The following TENM3 variants were observed in gnomAD, a reference collection of about 807,000 sequenced individuals.
TENM3 encodes teneurin-3.
A neutral mutation model predicts 255.1 loss-of-function variants in TENM3; 63 were observed. The ratio of observed to expected loss-of-function variants is 0.25; its 90% CI spans 0.20 to 0.30. The LOEUF is 0.30. Ranked by LOEUF, TENM3 falls within the 10% of genes least tolerant of loss-of-function variation. The probability of loss-of-function intolerance (pLI) is 1.00; values close to 1 mark genes in which losing one functional copy is unlikely to be tolerated. For missense variants in TENM3, 2,929 were observed against 3,461.1 expected (o/e 0.85, Z 3.86); for synonymous variants, 1,306 against 1,322.3 (o/e 0.99, Z 0.27).
intron 4 of TENM3, among the ~76,000 whole-genome samples, chr4:182,616,396 T>G (rs1441863638): frequency 6.7e-6 from 1 of 148,954 alleles, no homozygotes; most frequent in Non-Finnish European, 1.5e-5. Flanking sequence ...TGGGGAGGGA[T>G]AGCATTGGGA....
At chr4:181,962,259 A>G in the TENM3 span, among the ~76,000 whole-genome samples, 1 of 152,234 alleles carries the variant, frequency 6.6e-6, no homozygotes, top group Non-Finnish European at 1.5e-5. Context: ...TATCATATCA[A>G]TGAAGTTTGA....
At chr4:182,281,098 G>C (rs1448117256) in intron 1 of TENM3, among the ~76,000 whole-genome samples, 2 of 152,154 alleles carry the variant, frequency 1.3e-5, no homozygotes, top group Admixed American at 6.5e-5. Context: ...GTAAGAGGTT[G>C]ACTCCAGTCT....
chr4:181,928,145 G>A, the TENM3 span, among the ~76,000 whole-genome samples: 264 of 152,070 alleles, frequency 1.7e-3, 2 homozygotes, highest in African/African-American at 5.1e-3. Flanking sequence ...ACAACTCCTC[G>A]CCAGCAAGGG....
chr4:182,431,451 G>A lies in TENM3; in HGVS notation c.511+84522G>A, dbSNP rs564260656. Reference sequence around the variant, plus strand: ...GGAGCTTGCAGTGTGCCGAGATCGCGCCACTGCACTCCAGCTGGCAACAAA... The same window carrying A: ...GGAGCTTGCAGTGTGCCGAGATCGCACCACTGCACTCCAGCTGGCAACAAA... On this transcript the variant is annotated intron_variant, in intron 3 of 27. Coordinates refer to ENST00000511685, the MANE Select transcript of TENM3 (RefSeq NM_001080477.4). Among the ~76,000 whole-genome samples the A allele has an allele frequency of 3.9e-5, 6 of 152,168 alleles. No individual in the cohort carries two copies. In the South Asian group the frequency reaches 6.2e-4, roughly 16 times the overall value.
At chr4:181,506,823 A>G in the TENM3 span, among the ~76,000 whole-genome samples, 1 of 151,838 alleles carries the variant, frequency 6.6e-6, no homozygotes, top group African/African-American at 2.4e-5. Flanking sequence ...AACTGTTACA[A>G]ATAGTGTGTA....
At chr4:182,049,566 G>A in the TENM3 span, among the ~76,000 whole-genome samples, 20 of 152,200 alleles carry the variant, frequency 1.3e-4, no homozygotes, top group Admixed American at 9.8e-4. Context: ...AAGCACTGAC[G>A]CATAACGTCT....
At chr4:181,570,401 T>C in the TENM3 span, among the ~76,000 whole-genome samples, 1 of 151,934 alleles carries the variant, frequency 6.6e-6, no homozygotes, top group African/African-American at 2.4e-5. Context: ...CTCAGGAGGC[T>C]GAGTTGGGAG....
intron 1 of TENM3, among the ~76,000 whole-genome samples, chr4:182,147,828 C>G (rs1308067760): frequency 6.6e-6 from 1 of 151,916 alleles, no homozygotes; most frequent in Non-Finnish European, 1.5e-5. Flanking sequence ...GAATGATAGC[C>G]CGTAGGAAAA....
At chr4:182,424,530 A>C (rs538661059) in intron 3 of TENM3, among the ~76,000 whole-genome samples, 175 of 151,538 alleles carry the variant, frequency 1.2e-3, no homozygotes, top group Non-Finnish European at 2.4e-4. Flanking sequence ...AAAAAAATGT[A>C]CATGACCAAA....
intron 3 of TENM3, among the ~76,000 whole-genome samples, chr4:182,517,527 G>GCGCCCGCTACCACGCC (rs1213884906): frequency 6.8e-6 from 1 of 146,744 alleles, no homozygotes; most frequent in African/African-American, 2.5e-5. Context: ...GGGACTACAG[G>GCGCCCGCTACCACGCC]CGCCCGCTAC....
At chr4:182,393,804 G>C (rs1472521120) in intron 3 of TENM3, among the ~76,000 whole-genome samples, 3 of 152,108 alleles carry the variant, frequency 2.0e-5, no homozygotes, top group Non-Finnish European at 4.4e-5. Flanking sequence ...TTGCTGGCAT[G>C]TTCATCATAA....
intron 1 of TENM3, among the ~76,000 whole-genome samples, chr4:182,145,848 G>C (rs538416731): frequency 3.9e-5 from 6 of 152,294 alleles, no homozygotes; most frequent in Admixed American, 2.6e-4. Context: ...TCAAACATTG[G>C]TAGACTCTGG....
the TENM3 span, among the ~76,000 whole-genome samples, chr4:182,110,486 A>G: frequency 4.0e-5 from 6 of 151,526 alleles, no homozygotes; most frequent in African/African-American, 1.5e-4. Flanking sequence ...CAGCTCACCC[A>G]GCTAATTTTT....
chr4:182,394,896 A>G (rs770586761), intron 3 of TENM3, among the ~76,000 whole-genome samples: 3 of 152,224 alleles, frequency 2.0e-5, no homozygotes, highest in Non-Finnish European at 4.4e-5. Context: ...TACAGGCCAG[A>G]AAGATAAATT....
the TENM3 span, among the ~76,000 whole-genome samples, chr4:181,707,459 T>A: frequency 6.6e-6 from 1 of 152,194 alleles, no homozygotes; most frequent in Admixed American, 6.6e-5. Flanking sequence ...TATAATATAA[T>A]CTAGAATTAT....
At chr4:182,361,569 A>G (rs1765984941) in intron 3 of TENM3, among the ~76,000 whole-genome samples, 1 of 152,042 alleles carries the variant, frequency 6.6e-6, no homozygotes, top group South Asian at 2.1e-4. Context: ...TTTCAGCTCC[A>G]TCAGCTCCTT....
the TENM3 span, among the ~76,000 whole-genome samples, chr4:181,720,743 G>T: frequency 6.6e-6 from 1 of 152,052 alleles, no homozygotes; most frequent in African/African-American, 2.4e-5. Context: ...ACAGCCAAAA[G>T]TTATTCAATG....
intron 3 of TENM3, among the ~76,000 whole-genome samples, chr4:182,368,685 G>A (rs1022859164): frequency 2.0e-5 from 3 of 152,126 alleles, no homozygotes; most frequent in East Asian, 1.9e-4. Flanking sequence ...GATAAAAACC[G>A]ATGTAAAGGG....
At chr4:181,693,345 C>T in the TENM3 span, among the ~76,000 whole-genome samples, 7 of 152,284 alleles carry the variant, frequency 4.6e-5, no homozygotes, top group African/African-American at 1.7e-4. Context: ...CAGAGGTGAC[C>T]TGTCAGGTTC....
Sources: gnomAD v4.1 joint callset for allele counts (sites outside exome capture counted in the v4.1 genomes callset) on GRCh38, gnomAD v4.1.1 for gene constraint, MANE v1.5 for transcripts, NCBI Gene and HGNC (gene_info 2026-07-23, HGNC 2026-07-21) for gene names.